The following BRINP3 variants were observed in gnomAD, a reference collection of about 807,000 sequenced individuals.
BRINP3 encodes the protein BMP/retinoic acid inducible neural specific 3.
In BRINP3, 19 loss-of-function variants were observed where a neutral mutation model predicts 71.0. The observed-to-expected ratio is 0.27, with a 90% CI of 0.19 to 0.39. The LOEUF (loss-of-function observed/expected upper bound fraction) is 0.39, where lower values mean the gene tolerates loss of function less well. Among genes scored for constraint, BRINP3 ranks in the 10% least tolerant of loss-of-function variants. The pLI is 1.00. For synonymous variants in BRINP3, 380 were observed against 337.7 expected, an observed-to-expected ratio of 1.13 and a Z score of -1.37; for missense variants, 959 against 940.8, an observed-to-expected ratio of 1.02 and a Z score of -0.25.
At chr1:190,214,320 T>A (rs531710992) in intron 6 of BRINP3, among the ~76,000 whole-genome samples, 1 of 152,192 alleles carries the variant, frequency 6.6e-6, no homozygotes, top group Admixed American at 6.6e-5. Context: ...CAAAAGAAAC[T>A]ATATCTGGAT....
rs570964987 is a variant in BRINP3 at position 190,219,748 on chromosome 1, G to A, written c.961+6334C>T. 1.2e-4 allele frequency among the ~76,000 whole-genome samples: 18 copies of A among 151,986 alleles called. No individual in the cohort carries two copies. The South Asian group carries it at 3.7e-3, about 32-fold the overall frequency. On this transcript the variant is annotated intron_variant, in intron 6 of 7. Coordinates refer to ENST00000367462, the MANE Select transcript of BRINP3 (RefSeq NM_199051.3). ...AGCTACTCAGGAAGCTGAGGCAGGA[G>A]AATCGCTTGAACCTGGGAGGTGGAG...
chr1:190,447,161 G>A (rs1164047909), intron 2 of BRINP3, among the ~76,000 whole-genome samples: 1 of 151,224 alleles, frequency 6.6e-6, no homozygotes, highest in Non-Finnish European at 1.5e-5. Context: ...GCTGTTTATA[G>A]GAGTAAGTAA....
chr1:190,264,836 T>G, intron 4 of BRINP3, 29 bp downstream of exon 4: 1 of 1,594,560 alleles, frequency 6.3e-7, no homozygotes, highest in Non-Finnish European at 8.6e-7. Flanking sequence ...CAATGGAAGG[T>G]GATAATTTTA....
chr1:190,121,718 G>T (rs1653679157), intron 7 of BRINP3, among the ~76,000 whole-genome samples: 1 of 152,106 alleles, frequency 6.6e-6, no homozygotes, highest in Non-Finnish European at 1.5e-5. Flanking sequence ...AGATACTATT[G>T]TGTGGGGAAA....
rs1553276640 is a variant in BRINP3, at chr1:190,277,087, T to TATA, written c.427+4472_427+4473insTAT. ...TTTGATCCTGAAATAAATTTTGGTTTTATATATATATATATATATATATAT... is the reference window on the plus strand; with the variant it reads ...TTTGATCCTGAAATAAATTTTGGTTTATATATATATATATATATATATATATAT... On this transcript the variant is annotated intron_variant, in intron 3 of 7. Transcript: ENST00000367462. 4.4e-4 allele frequency among the ~76,000 whole-genome samples: 16 copies of TATA among 36,036 alleles called. 1 individual carries two copies. Among genetic ancestry groups the TATA allele is most frequent in the African/African-American group, 8.8e-4 (14 of 15,820 alleles). 23.6% of individuals were successfully genotyped at this position (36,036 alleles called of 152,430 possible).
chr1:190,182,254 A>C (rs955570884), intron 6 of BRINP3, among the ~76,000 whole-genome samples: 1 of 151,942 alleles, frequency 6.6e-6, no homozygotes, highest in African/African-American at 2.4e-5. Flanking sequence ...ATTCTCTGCT[A>C]TTGTGTCTTT....
At chr1:190,464,656 T>G (rs2102678141) in intron 1 of BRINP3, among the ~76,000 whole-genome samples, 1 of 152,122 alleles carries the variant, frequency 6.6e-6, no homozygotes, top group Admixed American at 6.6e-5. Flanking sequence ...GCAGGAGATT[T>G]CCATTATATT....
intron 1 of BRINP3, among the ~76,000 whole-genome samples, chr1:190,460,688 G>C (rs554162071): frequency 1.3e-5 from 2 of 152,290 alleles, no homozygotes; most frequent in African/African-American, 4.8e-5. Context: ...CATACTGCCT[G>C]TGGCCATTTC....
At chr1:190,302,182 T>C (rs2103000749) in intron 2 of BRINP3, among the ~76,000 whole-genome samples, 1 of 150,016 alleles carries the variant, frequency 6.7e-6, no homozygotes, top group South Asian at 2.1e-4. Flanking sequence ...CCACAGTGTA[T>C]GTTACAGTCC....
chr1:190,470,622 G>A (rs540977019), intron 1 of BRINP3, among the ~76,000 whole-genome samples: 2 of 151,160 alleles, frequency 1.3e-5, no homozygotes, highest in South Asian at 4.1e-4. Context: ...GACAAATTAT[G>A]AATAGTGATT....
intron 2 of BRINP3, among the ~76,000 whole-genome samples, chr1:190,312,807 A>G (rs545123865): frequency 1.3e-5 from 2 of 151,986 alleles, no homozygotes; most frequent in African/African-American, 2.4e-5. Flanking sequence ...ATGTCATGTC[A>G]TATGTGATGG....
chr1:190,276,371 T>C (rs1662554712), intron 3 of BRINP3, among the ~76,000 whole-genome samples: 1 of 151,690 alleles, frequency 6.6e-6, no homozygotes. Context: ...AATTAAAAAC[T>C]GTCTGAATAC....
Position 190,446,711 on chromosome 1 carries a change from G to A in BRINP3, c.236+7944C>T, listed in dbSNP as rs181104651. On this transcript the variant is annotated intron_variant, in intron 2 of 7. Transcript: ENST00000367462. The stretch of plus-strand genomic sequence containing the variant: ...AAAGGATCTACAGACATCTAGTTCA[G>A]CCTTAATTTTACAAATGAGGAGACT... 2.3e-3 allele frequency among the ~76,000 whole-genome samples: 347 copies of A among 152,142 alleles called. No homozygotes were observed. The Middle Eastern group carries it at 0.024, about 10-fold the overall frequency.
chr1:190,381,733 A>T (rs1393446479), intron 2 of BRINP3, among the ~76,000 whole-genome samples: 1 of 152,130 alleles, frequency 6.6e-6, no homozygotes, highest in Non-Finnish European at 1.5e-5. Flanking sequence ...CCATCAGCTA[A>T]TTCTCATTCA....
chr1:190,448,833 A>G (rs867559104), intron 2 of BRINP3, among the ~76,000 whole-genome samples: 75 of 151,924 alleles, frequency 4.9e-4, no homozygotes, highest in African/African-American at 1.7e-3. Flanking sequence ...ATTTATTTTT[A>G]AACTTTTTAT....
intron 2 of BRINP3, among the ~76,000 whole-genome samples, chr1:190,322,988 T>C (rs960862268): frequency 2.6e-5 from 4 of 152,046 alleles, no homozygotes; most frequent in Non-Finnish European, 5.9e-5. Context: ...ATTATGTAAC[T>C]TGACCATATT....
intron 2 of BRINP3, among the ~76,000 whole-genome samples, chr1:190,347,821 C>T (rs985873920): frequency 2.0e-5 from 3 of 152,054 alleles, no homozygotes; most frequent in Admixed American, 6.6e-5. Context: ...TTACTTAGAA[C>T]TTTTCAATTA....
At chr1:190,328,517 T>C (rs1372040453) in intron 2 of BRINP3, among the ~76,000 whole-genome samples, 1 of 151,768 alleles carries the variant, frequency 6.6e-6, no homozygotes, top group Non-Finnish European at 1.5e-5. Flanking sequence ...CAGAATAATA[T>C]CTAGTTCAGA....
chr1:190,442,309 A>G (rs1367321013), intron 2 of BRINP3, among the ~76,000 whole-genome samples: 1 of 152,176 alleles, frequency 6.6e-6, no homozygotes, highest in African/African-American at 2.4e-5. Context: ...TGTCTTTAAG[A>G]TAAGACCGTC....
Sources: allele counts gnomAD v4.1 joint callset (sites outside exome capture counted in the v4.1 genomes callset), GRCh38; gene constraint gnomAD v4.1.1; transcripts MANE v1.5; gene names NCBI Gene and HGNC (gene_info 2026-07-23, HGNC 2026-07-21).